Variants in PAX5 observed in about 807,000 individuals in gnomAD.
PAX5 encodes the protein paired box 5, also known as paired box protein Pax-5.
A neutral mutation model predicts 43.7 loss-of-function variants in PAX5; 9 were observed. The observed-to-expected ratio is 0.21, with a 90% CI of 0.12 to 0.36. The LOEUF is 0.36. PAX5 is among the 10% of genes least tolerant of loss of function. The pLI, the probability that PAX5 is intolerant of heterozygous loss-of-function variation, is 1.00. For missense variants in PAX5, 383 were observed against 532.7 expected (o/e 0.72, Z 2.77); for synonymous variants, 228 against 214.3 (o/e 1.06, Z -0.56).
intron 5 of PAX5, among the ~76,000 whole-genome samples, chr9:36,988,662 CAAAAAAAAAAA>C (rs139552622): frequency 2.0e-3 from 210 of 103,542 alleles, no homozygotes; most frequent in African/African-American, 6.9e-3. Context: ...GACCCTGTCT[CAAAAAAAAAAA>C]AAAAAAAAAA....
chr9:36,936,386 T>G (rs1346909421), intron 6 of PAX5, among the ~76,000 whole-genome samples: 1 of 152,170 alleles, frequency 6.6e-6, no homozygotes, highest in East Asian at 1.9e-4. Context: ...GGAGGGAAAG[T>G]TCCAGGGACA....
At chr9:36,939,845 G>A (rs367587128) in intron 6 of PAX5, among the ~76,000 whole-genome samples, 8 of 152,358 alleles carry the variant, frequency 5.3e-5, no homozygotes, top group African/African-American at 1.4e-4. Context: ...GCTCGCGTGC[G>A]GGTGCACGCT....
chr9:37,031,773 C>A (rs533969925), intron 1 of PAX5, among the ~76,000 whole-genome samples: 8 of 152,190 alleles, frequency 5.3e-5, no homozygotes, highest in Non-Finnish European at 1.0e-4. Flanking sequence ...GTTGACCTGA[C>A]CTTATTTTGG....
chr9:36,931,459 C>A (rs1342566958), intron 6 of PAX5, among the ~76,000 whole-genome samples: 1 of 152,174 alleles, frequency 6.6e-6, no homozygotes, highest in Non-Finnish European at 1.5e-5. Context: ...AGATGGTGAA[C>A]CTGTAGGTTA....
chr9:37,012,332 AC>A (rs1839001345), intron 3 of PAX5, among the ~76,000 whole-genome samples: 2 of 152,022 alleles, frequency 1.3e-5, no homozygotes, highest in South Asian at 4.2e-4. Flanking sequence ...CCTGGGTTCT[AC>A]CCCCATGTCT....
intron 6 of PAX5, among the ~76,000 whole-genome samples, chr9:36,955,750 G>A (rs1833389853): frequency 7.2e-6 from 1 of 139,470 alleles, no homozygotes; most frequent in Admixed American, 7.4e-5. Context: ...CAGCCACTGA[G>A]GATTTCCCTC....
At chr9:36,909,409 C>T (rs944446713) in intron 7 of PAX5, among the ~76,000 whole-genome samples, 3 of 152,306 alleles carry the variant, frequency 2.0e-5, no homozygotes, top group South Asian at 2.1e-4. Context: ...CCCTTCCCAG[C>T]GGGTGGTTTG....
chr9:36,930,130 G>C (rs116658117), intron 6 of PAX5, among the ~76,000 whole-genome samples: 2,216 of 150,918 alleles, frequency 0.015, 54 homozygotes, highest in African/African-American at 0.05. Context: ...CTTGTCCTCT[G>C]AAATATCAGA....
intron 5 of PAX5, among the ~76,000 whole-genome samples, chr9:36,981,192 C>A (rs575768896): frequency 9.3e-5 from 14 of 149,890 alleles, no homozygotes; most frequent in East Asian, 4.0e-4. Flanking sequence ...AAAGCCCCCC[C>A]CCCCTCAGCC....
rs1806869484 is a variant in PAX5, at chr9:36,837,242, A to G, written c.*3318T>C. On this transcript the variant is annotated 3_prime_UTR_variant, in exon 10 of 10. Coordinates refer to ENST00000358127, the MANE Select transcript of PAX5 (RefSeq NM_016734.3). ...ATGTCAATTTCCCCGTCTATAAAGT[A>G]GGCATCATGCTCTTTGCTCCACAGA... The G allele has an allele frequency of 8.6e-6, 2 of 233,072 alleles. No homozygotes were observed. The highest frequency in any genetic ancestry group is 1.7e-5 in the Non-Finnish European group (2 of 118,018). 14.4% of individuals were successfully genotyped at this position (233,072 alleles called of 1,614,324 possible).
At chr9:37,030,213 G>C (rs1269631928) in intron 1 of PAX5, among the ~76,000 whole-genome samples, 1 of 152,212 alleles carries the variant, frequency 6.6e-6, no homozygotes, top group Non-Finnish European at 1.5e-5. Flanking sequence ...CGGCGTTCTT[G>C]GGGGAAGGAG....
Position 36,979,272 on chromosome 9 carries a change from C to T in PAX5, c.605-12548G>A, listed in dbSNP as rs528252719. Among the ~76,000 whole-genome samples, 3 of 152,266 alleles carry T rather than the reference C, an allele frequency of 2.0e-5. No homozygotes were observed. The South Asian group carries it at 6.2e-4, about 32-fold the overall frequency. On this transcript the variant is annotated intron_variant, in intron 5 of 9. Transcript: ENST00000358127. ...TTGTGTATGTCTGTGGTGTGTTTTT[C>T]CACCAAACACACACACAGGAATGGT...
chr9:36,973,140 G>T lies in PAX5; in HGVS notation c.605-6416C>A, dbSNP rs201809303. On this transcript the variant is annotated intron_variant, in intron 5 of 9. Transcript: ENST00000358127. ...GAAAGGAAAGGAAAGGAAAGAAAAG[G>T]AAAGGAAAGGAAAGGAAAGGAAAGG... Among the ~76,000 whole-genome samples, 459 of 69,634 alleles carry T rather than the reference G, an allele frequency of 6.6e-3. 7 individuals are homozygous for T. The highest frequency in any genetic ancestry group is 0.016 in the African/African-American group (418 of 26,310). 45.7% of individuals were successfully genotyped at this position (69,634 alleles called of 152,430 possible). A position where few individuals can be genotyped will look rare whatever the true frequency, so the allele number is the denominator to read the frequency against.
chr9:36,995,465 G>C (rs1398244881), intron 5 of PAX5, among the ~76,000 whole-genome samples: 1 of 152,244 alleles, frequency 6.6e-6, no homozygotes, highest in Non-Finnish European at 1.5e-5. Context: ...ACTGAGGTCA[G>C]TGCGGGGGGA....
intron 7 of PAX5, among the ~76,000 whole-genome samples, chr9:36,911,635 T>C (rs925760855): frequency 6.6e-6 from 1 of 152,246 alleles, no homozygotes; most frequent in Non-Finnish European, 1.5e-5. Flanking sequence ...CTTTCATTAT[T>C]CATTATGATT....
At chr9:37,031,562 G>A (rs746482382) in intron 1 of PAX5, among the ~76,000 whole-genome samples, 1 of 152,150 alleles carries the variant, frequency 6.6e-6, no homozygotes, top group Non-Finnish European at 1.5e-5. Context: ...GGTCCATGGA[G>A]AGAGGGGGGA....
rs754298726 is a variant in PAX5 at position 37,015,065 on chromosome 9, G to A, written c.342C>T (p.Ile114=). ...CCCGCTCTGCCAGCAGCCGGTCCCTGATCTCCCAGGCAAACATGGTGGGAT... is the reference window on the plus strand; with the variant it reads ...CCCGCTCTGCCAGCAGCCGGTCCCTAATCTCCCAGGCAAACATGGTGGGAT... The part of the protein sequence containing the change: ...RQNPTMFAWE[I]RDRLLAERVC... The change falls in exon 3 of 10, where the codon ATC becomes ATT. Residue 114 remains isoleucine, a synonymous_variant. Transcript: ENST00000358127. This position sits in a 1 kb window ranked among gnomAD's most constrained non-coding sequence, Gnocchi z 4.4. 6.2e-7 allele frequency: 1 copy of A among 1,614,190 alleles called. No individual in the cohort carries two copies. The highest frequency in any genetic ancestry group is 1.1e-5 in the South Asian group (1 of 91,070).
intron 7 of PAX5, among the ~76,000 whole-genome samples, chr9:36,918,112 C>T (rs924176461): frequency 3.3e-5 from 5 of 152,182 alleles, no homozygotes; most frequent in Admixed American, 2.6e-4. Flanking sequence ...AATAACCCTA[C>T]AATGGCCTCT....
At chr9:36,843,141 T>C (rs955378641) in intron 9 of PAX5, among the ~76,000 whole-genome samples, 1 of 151,900 alleles carries the variant, frequency 6.6e-6, no homozygotes, top group Non-Finnish European at 1.5e-5. Flanking sequence ...TGTGTGTGTG[T>C]GCATGTGTGT....
Sources: allele counts gnomAD v4.1 joint callset (sites outside exome capture counted in the v4.1 genomes callset), GRCh38; gene constraint gnomAD v4.1.1; non-coding constraint Gnocchi (gnomAD v3.1); transcripts MANE v1.5; gene names NCBI Gene and HGNC (gene_info 2026-07-23, HGNC 2026-07-21).